ACTN4: variants seen among roughly 807,000 people sequenced by gnomAD.
ACTN4 encodes the protein actinin alpha 4.
In ACTN4, 18 loss-of-function variants were observed where a neutral mutation model predicts 114.2. The ratio of observed to expected loss-of-function variants is 0.16; its 90% CI spans 0.11 to 0.23. ACTN4 has a LOEUF of 0.23. Among genes scored for constraint, ACTN4 ranks in the 10% least tolerant of loss-of-function variants. ACTN4 has a pLI of 1.00. For synonymous variants in ACTN4, 515 were observed against 506.3 expected, an observed-to-expected ratio of 1.02 and a Z score of -0.23; for missense variants, 722 against 1,262.9, an observed-to-expected ratio of 0.57 and a Z score of 6.49.
Position 38,730,763 on chromosome 19 carries a change from G to T in ACTN4, c.*1331G>T. ...TAGCCCCAGACAGGTGGATGCCAGA[G>T]AGAGTGGCACCCATGCCAGGCAAGG... is the stretch of plus-strand genomic sequence containing the variant. On this transcript the variant is annotated 3_prime_UTR_variant, in exon 21 of 21. Coordinates refer to ENST00000252699, the MANE Select transcript of ACTN4 (RefSeq NM_004924.6). 6.8e-7 allele frequency: 1 copy of T among 1,473,642 alleles called. No homozygotes were observed. Among genetic ancestry groups the T allele is most frequent in the East Asian group, 2.5e-5 (1 of 40,590 alleles). The allele number at this position is 1,473,642 out of a possible 1,614,324, so 91.3% of individuals were successfully genotyped here.
chr19:38,684,003 C>G (rs1041630754), intron 1 of ACTN4: 5 of 152,274 alleles, frequency 3.3e-5, no homozygotes, highest in African/African-American at 9.7e-5. Flanking sequence ...GTAGCTCACA[C>G]AGGGCCTAAC....
chr19:38,727,957 G>A lies in ACTN4; in HGVS notation c.2349G>A (p.Gly783=), dbSNP rs747643716. The change falls in exon 19 of 21, where the codon GGG becomes GGA. Residue 783 remains glycine (G), a synonymous_variant. Coordinates refer to ENST00000252699, the MANE Select transcript of ACTN4 (RefSeq NM_004924.6). This position sits in a 1 kb window ranked among gnomAD's most constrained non-coding sequence, Gnocchi z 5.4. ...SFNHFDKDHG[G]ALGPEEFKAC... The stretch of plus-strand genomic sequence containing the variant: ...GATGGCCCCGGCAGGATCATGGCGG[G>A]GCGCTGGGGCCCGAGGAGTTCAAGG... 4 of 1,612,540 alleles carry A rather than the reference G, an allele frequency of 2.5e-6. No homozygotes were observed. In the South Asian group the frequency reaches 3.3e-5, roughly 13 times the overall value.
intron 1 of ACTN4, among the ~76,000 whole-genome samples, chr19:38,669,082 GT>G (rs1164144099): frequency 6.6e-6 from 1 of 152,096 alleles, no homozygotes; most frequent in Non-Finnish European, 1.5e-5. Flanking sequence ...TGTCTCCTGG[GT>G]TCAAGCGATT....
intron 1 of ACTN4, among the ~76,000 whole-genome samples, chr19:38,698,590 C>T (rs866327782): frequency 2.6e-5 from 4 of 152,306 alleles, no homozygotes; most frequent in Middle Eastern, 3.4e-3. Flanking sequence ...GGCCATGGTG[C>T]GGGTACCCTC....
chr19:38,694,132 G>A (rs1968016360), intron 1 of ACTN4, among the ~76,000 whole-genome samples: 1 of 152,150 alleles, frequency 6.6e-6, no homozygotes, highest in African/African-American at 2.4e-5. Context: ...TTCACAGGAG[G>A]GCCAGGGACA....
Position 38,706,144 on chromosome 19 carries a change from C to A in ACTN4, c.572+13C>A. ...ACTTCCACATCAGGTAAGCGCCAGT[C>A]CTGGTCATCCTCTCCTTTCCTCTAG... On this transcript the variant is annotated intron_variant, in intron 5 of 20. Transcript: ENST00000252699. 1 of 1,610,800 alleles carries A rather than the reference C, an allele frequency of 6.2e-7. No individual in the cohort carries two copies. Among genetic ancestry groups the A allele is most frequent in the South Asian group, 1.1e-5 (1 of 90,978 alleles).
chr19:38,715,797 G>A (rs990750075), intron 9 of ACTN4, among the ~76,000 whole-genome samples: 1 of 152,182 alleles, frequency 6.6e-6, no homozygotes, highest in African/African-American at 2.4e-5. Context: ...TCCACACAGA[G>A]GTATTTCTGT....
intron 1 of ACTN4, among the ~76,000 whole-genome samples, chr19:38,653,413 T>TAA (rs764884569): frequency 1.4e-5 from 2 of 140,668 alleles, no homozygotes. Flanking sequence ...GGTTGTTCTT[T>TAA]AAAAAAAAAA....
Position 38,723,984 on chromosome 19 carries a change from C to G in ACTN4, c.1599C>G (p.Tyr533Ter). 1 of 1,613,690 alleles carries G rather than the reference C, an allele frequency of 6.2e-7. No individual in the cohort carries two copies. Among genetic ancestry groups the G allele is most frequent in the Non-Finnish European group, 8.5e-7 (1 of 1,179,982 alleles). ...CCATCGACCAGCTGCACCTGGAATA[C>G]GCCAAGCGCGCGGCCCCCTTCAACA... is the stretch of plus-strand genomic sequence containing the variant. ...LEAIDQLHLE[Y>*]AKRAAPFNNW... Residue 533 changes from tyrosine (Y) to a stop codon, truncating the protein, a stop_gained, in exon 14 of 21, where the codon TAC becomes TAG. Coordinates refer to ENST00000252699, the MANE Select transcript of ACTN4 (RefSeq NM_004924.6). LOFTEE classifies it high-confidence loss of function.
Position 38,717,523 on chromosome 19 carries a change from C to T in ACTN4, c.1143+207C>T, listed in dbSNP as rs1290950234. On this transcript the variant is annotated intron_variant, in intron 10 of 20. Coordinates refer to ENST00000252699, the MANE Select transcript of ACTN4 (RefSeq NM_004924.6). The surrounding 1 kb of genome is among the most constrained non-coding windows in gnomAD (Gnocchi z 4.0). Reference sequence around the variant, plus strand: ...GGCCCTCACTCACTGTATTTTACACCCAGGGTTTTATACGCATCCCAAATC... The same window carrying T: ...GGCCCTCACTCACTGTATTTTACACTCAGGGTTTTATACGCATCCCAAATC... Among the ~76,000 whole-genome samples, 1 of 152,110 alleles carries T rather than the reference C, an allele frequency of 6.6e-6. No individual in the cohort carries two copies. Among genetic ancestry groups the T allele is most frequent in the East Asian group, 1.9e-4 (1 of 5,190 alleles).
rs544928470 is a variant in ACTN4 at position 38,680,479 on chromosome 19, C to T, written c.163-20121C>T. 1.2e-4 allele frequency among the ~76,000 whole-genome samples: 19 copies of T among 152,178 alleles called. No homozygotes were observed. The East Asian group carries it at 2.3e-3, about 19-fold the overall frequency. On this transcript the variant is annotated intron_variant, in intron 1 of 20. Transcript: ENST00000252699. ...ACAGACAGGCATGAGCCACTGCGCC[C>T]GGCCTCAGGAAGTAGTTGAATGAGT...
chr19:38,675,064 C>T (rs1228989510), intron 1 of ACTN4, among the ~76,000 whole-genome samples: 1 of 152,232 alleles, frequency 6.6e-6, no homozygotes, highest in Non-Finnish European at 1.5e-5. Context: ...AACCTCTGGG[C>T]TCAGTCTGCC....
intron 1 of ACTN4, among the ~76,000 whole-genome samples, chr19:38,656,045 G>A (rs1391326766): frequency 1.3e-5 from 2 of 152,168 alleles, no homozygotes; most frequent in Admixed American, 1.3e-4. Flanking sequence ...GATACAGAGG[G>A]CTAGCTGTAA....
chr19:38,660,082 C>T (rs779808929), intron 1 of ACTN4, among the ~76,000 whole-genome samples: 2 of 152,076 alleles, frequency 1.3e-5, no homozygotes, highest in African/African-American at 2.4e-5. Flanking sequence ...CCATCATGTC[C>T]GGCTAATTTT....
chr19:38,709,710 C>G (rs187746119), intron 7 of ACTN4, among the ~76,000 whole-genome samples: 1 of 152,098 alleles, frequency 6.6e-6, no homozygotes, highest in Admixed American at 6.6e-5. Flanking sequence ...GATGAAGAAG[C>G]GTATGGGGAG....
intron 1 of ACTN4, chr19:38,693,585 C>T (rs896561298): frequency 1.3e-5 from 2 of 152,218 alleles, no homozygotes; most frequent in African/African-American, 2.4e-5. Context: ...GTAGAGAGGG[C>T]TTTGCCTCTT....
chr19:38,686,011 A>G (rs1967730277), intron 1 of ACTN4, among the ~76,000 whole-genome samples: 1 of 152,208 alleles, frequency 6.6e-6, no homozygotes. Context: ...GAGATTGAAC[A>G]GAGGGAGAAA....
intron 11 of ACTN4, among the ~76,000 whole-genome samples, chr19:38,718,505 C>T (rs1412820718): frequency 2.0e-5 from 3 of 152,090 alleles, no homozygotes; most frequent in African/African-American, 7.2e-5. Flanking sequence ...CACTGCACTC[C>T]AGCCTGGGTG....
Position 38,727,821 on chromosome 19 carries a change from C to T in ACTN4, c.2338-125C>T. On this transcript the variant is annotated intron_variant, in intron 18 of 20. Coordinates refer to ENST00000252699, the MANE Select transcript of ACTN4 (RefSeq NM_004924.6). The surrounding 1 kb of genome is among the most constrained non-coding windows in gnomAD (Gnocchi z 5.4). The stretch of plus-strand genomic sequence containing the variant: ...CCTGGCCATCTCCTTGTCCATGTTG[C>T]CTCTAACTCTGTGTTTCCCTCCCCT... 1.1e-6 allele frequency: 1 copy of T among 878,082 alleles called. No individual in the cohort carries two copies. The highest frequency in any genetic ancestry group is 2.7e-5 in the East Asian group (1 of 37,526). The allele number at this position is 878,082 out of a possible 1,614,324, so 54.4% of individuals were successfully genotyped here. A position where few individuals can be genotyped will look rare whatever the true frequency, so the allele number is the denominator to read the frequency against.
Sources: gnomAD v4.1 joint callset for allele counts (sites outside exome capture counted in the v4.1 genomes callset) on GRCh38, gnomAD v4.1.1 for gene constraint, Gnocchi (gnomAD v3.1) non-coding constraint, MANE v1.5 for transcripts, NCBI Gene and HGNC (gene_info 2026-07-23, HGNC 2026-07-21) for gene names.